The following APPL2 variants were observed in gnomAD, a reference collection of about 807,000 sequenced individuals.
APPL2 encodes adaptor protein, phosphotyrosine interacting with PH domain and leucine zipper 2, also known as DCC-interacting protein 13-beta.
APPL2 carries 84 observed loss-of-function variants against 92.7 expected under a neutral mutation model. That is an observed-to-expected ratio of 0.91 (90% CI 0.76 to 1.09). The LOEUF (loss-of-function observed/expected upper bound fraction) is 1.09. Among genes scored for constraint, APPL2 ranks in the 50% least tolerant of loss-of-function variants. The probability of loss-of-function intolerance (pLI) is 0.00; values close to 1 mark genes in which losing one functional copy is unlikely to be tolerated. For synonymous variants in APPL2, 291 were observed against 291.0 expected (o/e 1.00, Z 0.00); for missense variants, 736 against 824.5 (o/e 0.89, Z 1.31).
Position 105,195,438 on chromosome 12 carries a change from T to A in APPL2, c.1152+7A>T, listed in dbSNP as rs1324149419. On this transcript the variant is annotated splice_region_variant and intron_variant, in intron 13 of 20. Coordinates refer to ENST00000258530, the MANE Select transcript of APPL2 (RefSeq NM_018171.5). ...AAAGGGCTGAGATGCCGGTGGCTGA[T>A]AATTACCTCAGGGTTGTCGGTCAGG... The A allele has an allele frequency of 6.2e-7, 1 of 1,614,180 alleles. No homozygotes were observed. Among genetic ancestry groups the A allele is most frequent in the Non-Finnish European group, 8.5e-7 (1 of 1,180,042 alleles).
chr12:105,195,481 G>A lies in APPL2; in HGVS notation c.1116C>T (p.Asn372=), dbSNP rs1887560653. Reference sequence around the variant, plus strand: ...CGGTCAGGTAGATCTGTCTGGAGATGTTGTTTATTGCACATATCCACTGTA... The same window carrying A: ...CGGTCAGGTAGATCTGTCTGGAGATATTGTTTATTGCACATATCCACTGTA... ...ENEEWICAIN[N]ISRQIYLTDN... Residue 372 remains asparagine (N), a synonymous_variant, in exon 13 of 21, where the codon AAC becomes AAT. Coordinates refer to ENST00000258530, the MANE Select transcript of APPL2 (RefSeq NM_018171.5). The A allele has an allele frequency of 6.2e-7, 1 of 1,614,186 alleles. No homozygotes were observed. Among genetic ancestry groups the A allele is most frequent in the African/African-American group, 1.3e-5 (1 of 75,030 alleles).
intron 9 of APPL2, 66 bp from the exon 10 acceptor site, chr12:105,199,597 T>C: frequency 6.5e-7 from 1 of 1,534,178 alleles, no homozygotes; most frequent in Non-Finnish European, 8.8e-7. Flanking sequence ...AAGAAGCCAC[T>C]GGCAGCCATC....
At chr12:105,176,667 A>T in intron 19 of APPL2, 1 of 558,946 alleles carries the variant, frequency 1.8e-6, no homozygotes, top group Non-Finnish European at 3.0e-6. Context: ...TTCCTCATTC[A>T]CCCTATTCTG....
At position 105,189,942 on chromosome 12, in the gene APPL2, C is replaced by T. The variant is rs752141990; in HGVS notation, c.1406+49G>A. ...GGTGGTGGAGGGGGACACAAGATAC[C>T]TCAAATTTACTTTCAGTTCTCCCAG... On this transcript the variant is annotated intron_variant, in intron 15 of 20. Coordinates refer to ENST00000258530, the MANE Select transcript of APPL2 (RefSeq NM_018171.5). 49 of 1,611,554 alleles carry T rather than the reference C, an allele frequency of 3.0e-5. No individual in the cohort carries two copies. The Middle Eastern group carries it at 1.2e-3, about 38-fold the overall frequency.
intron 17 of APPL2, among the ~76,000 whole-genome samples, chr12:105,185,416 C>T (rs1035208655): frequency 3.9e-5 from 6 of 152,142 alleles, no homozygotes; most frequent in African/African-American, 4.8e-5. Flanking sequence ...TCCTGGTCTG[C>T]GGGCTGCAAA....
chr12:105,204,894 G>A (rs1196749), intron 8 of APPL2, among the ~76,000 whole-genome samples: 125,346 of 152,166 alleles, frequency 0.82, 51,964 homozygotes, highest in East Asian at 1. Context: ...TCCCGTCAAT[G>A]TAACACTGGA....
chr12:105,205,188 A>G (rs745809269), intron 8 of APPL2, among the ~76,000 whole-genome samples: 2 of 152,210 alleles, frequency 1.3e-5, no homozygotes, highest in Non-Finnish European at 2.9e-5. Context: ...ATGCTTCTGA[A>G]TCATCCAGAA....
chr12:105,224,691 G>A (rs1890365280), intron 2 of APPL2, among the ~76,000 whole-genome samples: 1 of 152,126 alleles, frequency 6.6e-6, no homozygotes. Flanking sequence ...ACTTTTATGT[G>A]CCTAAGAAAG....
At chr12:105,202,647 A>G (rs1888314381) in intron 9 of APPL2, among the ~76,000 whole-genome samples, 1 of 152,208 alleles carries the variant, frequency 6.6e-6, no homozygotes, top group Admixed American at 6.5e-5. Context: ...TAAGAACCAA[A>G]TAAATTAAAA....
chr12:105,229,069 G>A, intron 2 of APPL2, 56 bp downstream of exon 2: 1 of 1,440,876 alleles, frequency 6.9e-7, no homozygotes, highest in Non-Finnish European at 9.6e-7. Flanking sequence ...GGGAAGTTCA[G>A]GATGAGGGGA....
At chr12:105,203,133 C>T (rs750983940) in intron 9 of APPL2, among the ~76,000 whole-genome samples, 2 of 152,176 alleles carry the variant, frequency 1.3e-5, no homozygotes, top group East Asian at 3.9e-4. Context: ...CCGGATGGAC[C>T]AAGCCTGAGG....
chr12:105,227,417 C>A (rs113056061), intron 2 of APPL2, among the ~76,000 whole-genome samples: 70 of 152,294 alleles, frequency 4.6e-4, no homozygotes, highest in African/African-American at 1.5e-3. Context: ...CCCATGAACT[C>A]CTCAAAATCA....
intron 1 of APPL2, 78 bp from the exon 2 acceptor site, chr12:105,229,301 C>G: frequency 7.7e-7 from 1 of 1,296,374 alleles, no homozygotes; most frequent in Non-Finnish European, 1.1e-6. Flanking sequence ...TCCACACACC[C>G]GCACATGCAG....
chr12:105,234,461 C>T (rs1042855188), intron 1 of APPL2, among the ~76,000 whole-genome samples: 1 of 152,198 alleles, frequency 6.6e-6, no homozygotes, highest in African/African-American at 2.4e-5. Flanking sequence ...TGGGCAAATC[C>T]TTTAAGCCAC....
chr12:105,195,833 T>C (rs144737145), intron 11 of APPL2, among the ~76,000 whole-genome samples: 2,441 of 152,226 alleles, frequency 0.016, 25 homozygotes, highest in Middle Eastern at 0.044. Context: ...GGCAGGAGGA[T>C]GGCTTGAGCC....
At chr12:105,189,895 A>G in intron 15 of APPL2, 71 bp from the exon 16 acceptor site, 1 of 1,611,830 alleles carries the variant, frequency 6.2e-7, no homozygotes, top group Non-Finnish European at 8.5e-7. Context: ...TTGAACTGGA[A>G]ATCAGAATGG....
intron 17 of APPL2, among the ~76,000 whole-genome samples, chr12:105,178,909 T>C (rs1307686261): frequency 6.6e-6 from 1 of 152,262 alleles, no homozygotes; most frequent in Non-Finnish European, 1.5e-5. Context: ...AATTCCCTTA[T>C]AAGTGAAAAC....
At chr12:105,226,060 A>G (rs999839789) in intron 2 of APPL2, among the ~76,000 whole-genome samples, 2 of 152,254 alleles carry the variant, frequency 1.3e-5, no homozygotes, top group African/African-American at 4.8e-5. Context: ...ATGCCTAGGT[A>G]TAAAATATTT....
chr12:105,176,667 A>C, intron 19 of APPL2: 3 of 558,946 alleles, frequency 5.4e-6, no homozygotes, highest in Non-Finnish European at 9.0e-6. Flanking sequence ...TTCCTCATTC[A>C]CCCTATTCTG....
Sources: gnomAD v4.1 joint callset for allele counts (sites outside exome capture counted in the v4.1 genomes callset) on GRCh38, gnomAD v4.1.1 for gene constraint, MANE v1.5 for transcripts, NCBI Gene and HGNC (gene_info 2026-07-23, HGNC 2026-07-21) for gene names.